Variants in FAF1 observed in about 807,000 individuals in gnomAD.
FAF1 encodes the protein FAS-associated factor 1.
A neutral mutation model predicts 92.5 loss-of-function variants in FAF1; 25 were observed. That is an observed-to-expected ratio of 0.27 (90% CI 0.20 to 0.38). The LOEUF (loss-of-function observed/expected upper bound fraction) is 0.38. Ranked by LOEUF, FAF1 falls within the 10% of genes least tolerant of loss-of-function variation. The probability of loss-of-function intolerance (pLI) is 1.00; values close to 1 mark genes in which losing one functional copy is unlikely to be tolerated. For synonymous variants in FAF1, 234 were observed against 273.2 expected, an observed-to-expected ratio of 0.86 and a Z score of 1.42; for missense variants, 636 against 793.3, an observed-to-expected ratio of 0.80 and a Z score of 2.38.
intron 18 of FAF1, among the ~76,000 whole-genome samples, chr1:50,449,462 T>C (rs928513296): frequency 6.6e-6 from 1 of 151,922 alleles, no homozygotes; most frequent in Non-Finnish European, 1.5e-5. Context: ...GCATTTACTT[T>C]GAACTTGGGG....
chr1:50,718,032 TTTA>T (rs1363260206), intron 6 of FAF1, among the ~76,000 whole-genome samples: 7 of 149,002 alleles, frequency 4.7e-5, no homozygotes, highest in Non-Finnish European at 8.9e-5. Flanking sequence ...TATTTATTTA[TTTA>T]TTGAGACGGA....
At chr1:50,748,304 T>A (rs376560175) in intron 4 of FAF1, among the ~76,000 whole-genome samples, 5 of 152,088 alleles carry the variant, frequency 3.3e-5, no homozygotes. Context: ...GAGACCAGCC[T>A]GCCCAACATG....
chr1:50,710,949 A>T, intron 6 of FAF1, among the ~76,000 whole-genome samples: 1 of 137,252 alleles, frequency 7.3e-6, no homozygotes, highest in African/African-American at 2.8e-5. Flanking sequence ...TTGCACTGTC[A>T]CCCAGGCTGG....
At chr1:50,508,079 G>A (rs958521369) in intron 15 of FAF1, among the ~76,000 whole-genome samples, 1 of 152,158 alleles carries the variant, frequency 6.6e-6, no homozygotes, top group Non-Finnish European at 1.5e-5. Flanking sequence ...TTTTTAAAGG[G>A]AAAATAAGCA....
Position 50,916,669 on chromosome 1 carries a change from C to G in FAF1, c.45+43098G>C, listed in dbSNP as rs140777613. Among the ~76,000 whole-genome samples, 14 of 152,288 alleles carry G rather than the reference C, an allele frequency of 9.2e-5. 1 individual carries two copies. The East Asian group carries it at 2.7e-3, about 29-fold the overall frequency. ...GTCTTGACAAATGAAAGGAGAGGAGCACTAACAAATCATAGATTGGAAAGA... is the reference window on the plus strand; with the variant it reads ...GTCTTGACAAATGAAAGGAGAGGAGGACTAACAAATCATAGATTGGAAAGA... On this transcript the variant is annotated intron_variant, in intron 1 of 18. Transcript: ENST00000396153.
At chr1:50,588,730 AG>A (rs1174503848) in intron 9 of FAF1, among the ~76,000 whole-genome samples, 1 of 152,182 alleles carries the variant, frequency 6.6e-6, no homozygotes, top group Non-Finnish European at 1.5e-5. Context: ...AGAGGCTGCA[AG>A]GGCTACTGGA....
chr1:50,733,225 A>G (rs1040872705), intron 6 of FAF1, among the ~76,000 whole-genome samples: 13 of 152,160 alleles, frequency 8.5e-5, no homozygotes, highest in African/African-American at 3.1e-4. Context: ...CCTTATTCTC[A>G]TAACTATTAC....
rs75881270 is a variant in FAF1, at chr1:50,849,854, T to C, written c.114+8075A>G. Among the ~76,000 whole-genome samples, 269 of 152,338 alleles carry C rather than the reference T, an allele frequency of 1.8e-3. 2 individuals are homozygous for C. The highest frequency in any genetic ancestry group is 2.2e-3 in the Non-Finnish European group (147 of 68,020). ...TCATGGCTTTATTAAAGGTATCATA[T>C]AATGCATTTCCCCTGCTATATCTAT... is the stretch of plus-strand genomic sequence containing the variant. On this transcript the variant is annotated intron_variant, in intron 2 of 18. Coordinates refer to ENST00000396153, the MANE Select transcript of FAF1 (RefSeq NM_007051.3).
intron 1 of FAF1, among the ~76,000 whole-genome samples, chr1:50,898,818 T>A (rs1570115347): frequency 6.6e-6 from 1 of 152,356 alleles, no homozygotes; most frequent in East Asian, 1.9e-4. Context: ...CAATTTGATT[T>A]GATGCTTTCT....
chr1:50,796,212 AACAC>A (rs59114947), intron 3 of FAF1, among the ~76,000 whole-genome samples: 1,608 of 151,144 alleles, frequency 0.011, 10 homozygotes, highest in Non-Finnish European at 0.016. Flanking sequence ...CAAACACACA[AACAC>A]ACACACACAC....
At chr1:50,898,563 AT>A (rs1644773590) in intron 1 of FAF1, among the ~76,000 whole-genome samples, 1 of 152,190 alleles carries the variant, frequency 6.6e-6, no homozygotes, top group African/African-American at 2.4e-5. Flanking sequence ...ATTTACTTCT[AT>A]TTTTTACAAT....
At chr1:50,794,015 T>C (rs1025523838) in intron 3 of FAF1, among the ~76,000 whole-genome samples, 22 of 152,104 alleles carry the variant, frequency 1.4e-4, no homozygotes, top group African/African-American at 5.1e-4. Flanking sequence ...AATGCAAATA[T>C]TCTCAAATCT....
At chr1:50,542,040 A>T (rs1268573941) in intron 13 of FAF1, among the ~76,000 whole-genome samples, 1 of 152,166 alleles carries the variant, frequency 6.6e-6, no homozygotes. Flanking sequence ...CAAAGTGATC[A>T]ATTTTCTGCT....
chr1:50,630,267 T>C (rs1158541167), intron 8 of FAF1, among the ~76,000 whole-genome samples: 4 of 152,310 alleles, frequency 2.6e-5, no homozygotes, highest in Non-Finnish European at 4.4e-5. Context: ...GTAAGACATA[T>C]TTTGCATTAA....
At chr1:50,577,661 T>C (rs1294936216) in intron 12 of FAF1, among the ~76,000 whole-genome samples, 1 of 152,220 alleles carries the variant, frequency 6.6e-6, no homozygotes, top group East Asian at 1.9e-4. Context: ...ATTTACCTCA[T>C]TAGACTGAGC....
At chr1:50,878,053 AGCTTTC>A (rs1188034287) in intron 1 of FAF1, among the ~76,000 whole-genome samples, 1 of 152,222 alleles carries the variant, frequency 6.6e-6, no homozygotes, top group Non-Finnish European at 1.5e-5. Flanking sequence ...AGTACCAATT[AGCTTTC>A]CTTCAAAACA....
intron 1 of FAF1, among the ~76,000 whole-genome samples, chr1:50,935,472 CTCT>C (rs1365220428): frequency 1.4e-5 from 2 of 145,528 alleles, no homozygotes; most frequent in Non-Finnish European, 3.0e-5. Flanking sequence ...GATTTACTCT[CTCT>C]TTTTTTTTTT....
intron 2 of FAF1, among the ~76,000 whole-genome samples, chr1:50,813,235 C>T (rs1220732140): frequency 2.0e-5 from 3 of 151,508 alleles, no homozygotes; most frequent in East Asian, 3.9e-4. Flanking sequence ...AAAAGAAAAG[C>T]ACAGGGGAAA....
intron 7 of FAF1, among the ~76,000 whole-genome samples, chr1:50,704,411 C>G (rs1047259430): frequency 2.6e-5 from 4 of 152,030 alleles, no homozygotes; most frequent in Non-Finnish European, 4.4e-5. Context: ...ATGAATTTAC[C>G]TCTTATCTTT....
Sources: allele counts gnomAD v4.1 joint callset (sites outside exome capture counted in the v4.1 genomes callset), GRCh38; gene constraint gnomAD v4.1.1; transcripts MANE v1.5; gene names NCBI Gene and HGNC (gene_info 2026-07-23, HGNC 2026-07-21).